PLEKHM3: variants seen among roughly 807,000 people sequenced by gnomAD.
PLEKHM3 encodes the protein pleckstrin homology domain-containing family M member 3.
Under a neutral mutation model 81.8 loss-of-function variants are expected in PLEKHM3, and 45 were observed. The ratio of observed to expected loss-of-function variants is 0.55; its 90% CI spans 0.43 to 0.71. PLEKHM3 has a LOEUF of 0.71. PLEKHM3 is among the 30% of genes least tolerant of loss of function. PLEKHM3 has a pLI of 0.00. For synonymous variants in PLEKHM3, 352 were observed against 356.4 expected (o/e 0.99, Z 0.14); for missense variants, 788 against 924.3 (o/e 0.85, Z 1.91).
In PLEKHM3 at chr2:207,977,089, T is replaced by G; in HGVS notation, c.1108A>C (p.Arg370=). Residue 370 remains arginine, a synonymous_variant, in exon 3 of 8, where the codon AGG becomes CGG. Transcript: ENST00000427836. Reference sequence around the variant, plus strand: ...TTCCAGTTGTTTTGGACAGTCAGCCTGTAGAGAGTCCCTGATTTGAGGATG... The same window carrying G: ...TTCCAGTTGTTTTGGACAGTCAGCCGGTAGAGAGTCCCTGATTTGAGGATG... The part of the protein sequence containing the change: ...QNILKSGTLY[R]LTVQNNWKAF... 1.2e-6 allele frequency: 2 copies of G among 1,614,242 alleles called. No homozygotes were observed. The highest frequency in any genetic ancestry group is 1.7e-6 in the Non-Finnish European group (2 of 1,180,038).
At chr2:207,880,422 A>C (rs1041294031) in intron 6 of PLEKHM3, among the ~76,000 whole-genome samples, 5 of 148,630 alleles carry the variant, frequency 3.4e-5, no homozygotes, top group African/African-American at 9.9e-5. Flanking sequence ...AAAAAAAAAA[A>C]ACGCAAATTG....
intron 3 of PLEKHM3, among the ~76,000 whole-genome samples, chr2:207,956,397 C>G (rs974181898): frequency 6.6e-5 from 10 of 151,876 alleles, no homozygotes; most frequent in Non-Finnish European, 1.3e-4. Context: ...CACCTGAACC[C>G]AGGAGGCGGA....
At chr2:207,864,811 T>C (rs995236695) in intron 6 of PLEKHM3, among the ~76,000 whole-genome samples, 18 of 152,218 alleles carry the variant, frequency 1.2e-4, no homozygotes, top group Admixed American at 7.9e-4. Flanking sequence ...TAATATTCAG[T>C]CTTCCTTTAA....
At chr2:207,847,967 C>T (rs894559721) in intron 7 of PLEKHM3, among the ~76,000 whole-genome samples, 6 of 152,222 alleles carry the variant, frequency 3.9e-5, no homozygotes, top group African/African-American at 1.4e-4. Context: ...GCCCACAAAC[C>T]TGCTAATTAG....
chr2:207,927,907 T>C (rs967823882), intron 5 of PLEKHM3, among the ~76,000 whole-genome samples: 1 of 152,238 alleles, frequency 6.6e-6, no homozygotes, highest in Non-Finnish European at 1.5e-5. Flanking sequence ...TTTCACTAAA[T>C]AGTCGTATTT....
chr2:207,890,757 G>C (rs1688037264), intron 6 of PLEKHM3, among the ~76,000 whole-genome samples: 1 of 152,178 alleles, frequency 6.6e-6, no homozygotes, highest in Non-Finnish European at 1.5e-5. Flanking sequence ...ACTATATCAT[G>C]ATGGCTACAT....
At position 207,852,357 on chromosome 2, in the gene PLEKHM3, T is replaced by C. The variant is rs555031580; in HGVS notation, c.2108+8748A>G. 7.2e-5 allele frequency among the ~76,000 whole-genome samples: 11 copies of C among 152,298 alleles called. 1 individual carries two copies. In the East Asian group the frequency reaches 1.9e-3, roughly 27 times the overall value. Reference sequence around the variant, plus strand: ...TCAGAGGACTGGCAGAAAAATTAGATAAGATATGTAAGTTGCTGGCACTAG... The same window carrying C: ...TCAGAGGACTGGCAGAAAAATTAGACAAGATATGTAAGTTGCTGGCACTAG... On this transcript the variant is annotated intron_variant, in intron 7 of 7. Coordinates refer to ENST00000427836, the MANE Select transcript of PLEKHM3 (RefSeq NM_001080475.3).
intron 5 of PLEKHM3, among the ~76,000 whole-genome samples, chr2:207,910,078 T>C (rs975389348): frequency 2.0e-5 from 3 of 152,198 alleles, no homozygotes; most frequent in African/African-American, 7.2e-5. Flanking sequence ...AAAGCACTGT[T>C]TCACCCACAG....
intron 7 of PLEKHM3, among the ~76,000 whole-genome samples, chr2:207,848,946 A>G (rs539260652): frequency 6.6e-6 from 1 of 152,320 alleles, no homozygotes; most frequent in Admixed American, 6.5e-5. Flanking sequence ...AAAAATGAAA[A>G]AGCGGATAAA....
chr2:207,841,358 G>C (rs990992426), intron 7 of PLEKHM3, among the ~76,000 whole-genome samples: 30 of 145,454 alleles, frequency 2.1e-4, no homozygotes, highest in African/African-American at 6.8e-4. Context: ...CCAGCTATTT[G>C]GGAGGCTGAG....
chr2:207,960,629 A>G (rs935147762), intron 3 of PLEKHM3, among the ~76,000 whole-genome samples: 3 of 152,256 alleles, frequency 2.0e-5, no homozygotes, highest in African/African-American at 7.2e-5. Context: ...TGGCCCACAC[A>G]GACAGCATCT....
At chr2:207,874,490 C>T (rs866799924) in intron 6 of PLEKHM3, among the ~76,000 whole-genome samples, 39 of 152,158 alleles carry the variant, frequency 2.6e-4, no homozygotes, top group Middle Eastern at 3.4e-3. Context: ...AGGAGAATTG[C>T]TTGAACCTGG....
rs1418822660 is a variant in PLEKHM3, at chr2:207,977,488, G to C, written c.709C>G (p.Pro237Ala). ...AGGCTGTAGAAGTATAAGTTGTAAG[G>C]TGAAAGTTCTGCATAACAGCTTTGC... ...YWQSCYAELS[P>A]YNLYFYSLDS... The change falls in exon 3 of 8, where the codon CCT becomes GCT. Residue 237 changes from proline to alanine, a missense_variant. Pro to Ala is a conservative substitution (Grantham distance 27). Coordinates refer to ENST00000427836, the MANE Select transcript of PLEKHM3 (RefSeq NM_001080475.3). 6.2e-7 allele frequency: 1 copy of C among 1,614,208 alleles called. No individual in the cohort carries two copies. Among genetic ancestry groups the C allele is most frequent in the Non-Finnish European group, 8.5e-7 (1 of 1,180,034 alleles).
intron 7 of PLEKHM3, among the ~76,000 whole-genome samples, chr2:207,832,973 G>A (rs551023435): frequency 1.3e-5 from 2 of 152,004 alleles, no homozygotes; most frequent in African/African-American, 4.8e-5. Context: ...TTAGCCAGGC[G>A]TGGTGGCGTG....
At chr2:208,022,184 A>C (rs549148094) in intron 1 of PLEKHM3, among the ~76,000 whole-genome samples, 7 of 152,322 alleles carry the variant, frequency 4.6e-5, no homozygotes, top group African/African-American at 1.7e-4. Context: ...TGCACTGCAC[A>C]CTAACTGTTG....
chr2:207,860,713 T>G (rs2092462962), intron 7 of PLEKHM3, among the ~76,000 whole-genome samples: 1 of 152,146 alleles, frequency 6.6e-6, no homozygotes, highest in East Asian at 1.9e-4. Context: ...GTCCTCTAGT[T>G]TTACCCCTGG....
chr2:207,880,425 G>T (rs528840937), intron 6 of PLEKHM3, among the ~76,000 whole-genome samples: 2 of 126,402 alleles, frequency 1.6e-5, no homozygotes, highest in Non-Finnish European at 3.4e-5. Flanking sequence ...AAAAAAAAAC[G>T]CAAATTGATG....
intron 6 of PLEKHM3, among the ~76,000 whole-genome samples, chr2:207,884,845 C>A (rs2621477): frequency 2.0e-5 from 3 of 152,144 alleles, no homozygotes; most frequent in Non-Finnish European, 4.4e-5. Context: ...CTGCCTACTC[C>A]CAAGGGAACA....
intron 1 of PLEKHM3, among the ~76,000 whole-genome samples, chr2:208,009,202 T>TCA: frequency 6.6e-6 from 1 of 152,254 alleles, no homozygotes; most frequent in South Asian, 2.1e-4. Context: ...CTACTTCAAT[T>TCA]CACACACTCT....
Sources: allele counts gnomAD v4.1 joint callset (sites outside exome capture counted in the v4.1 genomes callset), GRCh38; gene constraint gnomAD v4.1.1; transcripts MANE v1.5; gene names NCBI Gene and HGNC (gene_info 2026-07-23, HGNC 2026-07-21).